Variants in ADGRL2 observed in about 807,000 individuals in gnomAD.
ADGRL2 encodes the protein calcium-independent alpha-latrotoxin receptor 2.
A neutral mutation model predicts 157.4 loss-of-function variants in ADGRL2; 44 were observed. The ratio of observed to expected loss-of-function variants is 0.28; its 90% CI spans 0.22 to 0.36. The LOEUF (loss-of-function observed/expected upper bound fraction) is 0.36, where lower values mean the gene tolerates loss of function less well. Ranked by LOEUF, ADGRL2 falls within the 10% of genes least tolerant of loss-of-function variation. The pLI, the probability that ADGRL2 is intolerant of heterozygous loss-of-function variation, is 1.00. For missense variants in ADGRL2, 1,510 were observed against 1,768.9 expected (o/e 0.85, Z 2.63); for synonymous variants, 585 against 624.7 (o/e 0.94, Z 0.95).
chr1:81,488,685 T>G (rs1013797303), intron 2 of ADGRL2, among the ~76,000 whole-genome samples: 2 of 151,740 alleles, frequency 1.3e-5, no homozygotes, highest in African/African-American at 4.8e-5. Flanking sequence ...CCAGCCTAGG[T>G]GACAGAATGA....
In ADGRL2 at chr1:81,945,625, C is replaced by T. The variant is rs147673691; in HGVS notation, c.1210+1856C>T. On this transcript the variant is annotated intron_variant, in intron 6 of 23. Transcript: ENST00000686636. The stretch of plus-strand genomic sequence containing the variant: ...TTCTAGCAAATAATTTGATCCATTT[C>T]AGATGAAAAGTCTTTGATAGTTTAG... Among the ~76,000 whole-genome samples, 877 of 152,184 alleles carry T rather than the reference C, an allele frequency of 5.8e-3. 5 individuals carry two copies. The highest frequency in any genetic ancestry group is 0.02 in the African/African-American group (831 of 41,556).
At chr1:81,412,834 T>G (rs1228161829) in intron 1 of ADGRL2, among the ~76,000 whole-genome samples, 1 of 152,176 alleles carries the variant, frequency 6.6e-6, no homozygotes, top group East Asian at 1.9e-4. Context: ...CCAATGTGTG[T>G]GCCAGTTTTA....
At chr1:81,510,890 T>C (rs1320937531) in intron 2 of ADGRL2, among the ~76,000 whole-genome samples, 2 of 152,220 alleles carry the variant, frequency 1.3e-5, no homozygotes, top group Admixed American at 6.5e-5. Flanking sequence ...TGGTTTGATA[T>C]GTGAGTATAT....
intron 4 of ADGRL2, among the ~76,000 whole-genome samples, chr1:81,939,265 C>G (rs577075115): frequency 6.6e-6 from 1 of 151,572 alleles, no homozygotes; most frequent in South Asian, 2.1e-4. Context: ...ATATCCATGT[C>G]AAAAGTGTAC....
intron 3 of ADGRL2, among the ~76,000 whole-genome samples, chr1:81,688,939 C>T (rs780749262): frequency 6.6e-5 from 10 of 152,138 alleles, no homozygotes; most frequent in Admixed American, 2.0e-4. Flanking sequence ...TGTTGTCTCT[C>T]TTCTGGGTCT....
At chr1:81,662,285 T>TCA in intron 3 of ADGRL2, among the ~76,000 whole-genome samples, 1 of 144,062 alleles carries the variant, frequency 6.9e-6, no homozygotes, top group East Asian at 2.1e-4. Context: ...AGACAGAGTC[T>TCA]CACTCTGTCA....
chr1:81,667,697 A>G (rs939556502), intron 3 of ADGRL2, among the ~76,000 whole-genome samples: 7 of 152,218 alleles, frequency 4.6e-5, no homozygotes, highest in African/African-American at 1.4e-4. Flanking sequence ...ATAAAAAATT[A>G]AAAGAAATAA....
intron 17 of ADGRL2, among the ~76,000 whole-genome samples, chr1:81,974,390 G>A (rs1037126805): frequency 3.3e-5 from 5 of 152,166 alleles, no homozygotes; most frequent in Non-Finnish European, 7.4e-5. Flanking sequence ...CATCTGCATC[G>A]TTAATAATTA....
chr1:81,763,237 C>T (rs556996341), intron 2 of ADGRL2, among the ~76,000 whole-genome samples: 3 of 151,470 alleles, frequency 2.0e-5, no homozygotes, highest in East Asian at 1.9e-4. Context: ...TAGATAAATA[C>T]GTACATATAA....
intron 14 of ADGRL2, 88 bp downstream of exon 14, chr1:81,968,287 A>G: frequency 8.9e-7 from 1 of 1,120,030 alleles, no homozygotes. Context: ...TTGGGTGCTT[A>G]CCGTAACTAA....
intron 2 of ADGRL2, among the ~76,000 whole-genome samples, chr1:81,534,724 C>T (rs1217931933): frequency 6.6e-6 from 1 of 152,174 alleles, no homozygotes; most frequent in Non-Finnish European, 1.5e-5. Flanking sequence ...GACTACCTCC[C>T]GCTGGTCCTT....
chr1:81,993,655 T>A lies in ADGRL2; in HGVS notation c.*2510T>A, dbSNP rs1038035795. Among the ~76,000 whole-genome samples, 1 of 152,186 alleles carries A rather than the reference T, an allele frequency of 6.6e-6. No homozygotes were observed. The highest frequency in any genetic ancestry group is 1.5e-5 in the Non-Finnish European group (1 of 68,030). Reference sequence around the variant, plus strand: ...TATATAAATATTGCCTTAAATTCCATCTAGGATTCCCTTAGTACAAGGTAG... The same window carrying A: ...TATATAAATATTGCCTTAAATTCCAACTAGGATTCCCTTAGTACAAGGTAG... On this transcript the variant is annotated 3_prime_UTR_variant, in exon 24 of 24. Coordinates refer to ENST00000686636, the MANE Select transcript of ADGRL2 (RefSeq NM_001366006.2).
chr1:81,470,496 C>A (rs1557713788), intron 2 of ADGRL2, among the ~76,000 whole-genome samples: 3 of 152,184 alleles, frequency 2.0e-5, no homozygotes, highest in Non-Finnish European at 4.4e-5. Context: ...TGCTAGGTCA[C>A]CACCTTGAAT....
At chr1:81,469,664 A>G (rs574902705) in intron 2 of ADGRL2, among the ~76,000 whole-genome samples, 2 of 152,228 alleles carry the variant, frequency 1.3e-5, no homozygotes, top group Non-Finnish European at 2.9e-5. Context: ...CCTTTCTTCA[A>G]TCTTCATCCA....
chr1:81,806,620 A>G (rs553310899), intron 1 of ADGRL2, among the ~76,000 whole-genome samples: 3 of 152,074 alleles, frequency 2.0e-5, no homozygotes, highest in Non-Finnish European at 4.4e-5. Context: ...TTTATTTTCT[A>G]TCAAAATATT....
At chr1:81,552,820 C>T (rs753141315) in intron 2 of ADGRL2, among the ~76,000 whole-genome samples, 9 of 152,136 alleles carry the variant, frequency 5.9e-5, no homozygotes, top group Non-Finnish European at 1.2e-4. Context: ...ATTGATTACT[C>T]TGTCGGTGAG....
Position 81,955,793 on chromosome 1 carries a change from T to C in ADGRL2, c.1834-84T>C, listed in dbSNP as rs565246298. The C allele has an allele frequency of 1.6e-3, 1,252 of 781,446 alleles. 2 individuals are homozygous for C. Among genetic ancestry groups the C allele is most frequent in the Non-Finnish European group, 2.2e-3 (1,044 of 484,622 alleles). 48.4% of individuals were successfully genotyped at this position (781,446 alleles called of 1,614,324 possible). On this transcript the variant is annotated intron_variant, in intron 10 of 23. Coordinates refer to ENST00000686636, the MANE Select transcript of ADGRL2 (RefSeq NM_001366006.2). ...AGTAAATCATCATGACAGATAAATATTACAATTGTCACTCATCAGCTACTG... is the reference window on the plus strand; with the variant it reads ...AGTAAATCATCATGACAGATAAATACTACAATTGTCACTCATCAGCTACTG...
chr1:81,431,098 C>G (rs1228769261), intron 1 of ADGRL2, among the ~76,000 whole-genome samples: 1 of 152,126 alleles, frequency 6.6e-6, no homozygotes, highest in East Asian at 1.9e-4. Context: ...TATAGTCTGA[C>G]ATCAGAATTA....
rs577328776 is a variant in ADGRL2 at position 81,453,679 on chromosome 1, G to C, written c.-248+8590G>C. The stretch of plus-strand genomic sequence containing the variant: ...AAATATACAATGGTTTAGTGGACTG[G>C]TGACTTTAGCAGGCTTGCCGATTTT... On this transcript the variant is annotated intron_variant, in intron 2 of 24. Transcript: ENST00000370721. Among the ~76,000 whole-genome samples the C allele has an allele frequency of 7.9e-5, 12 of 152,254 alleles. No individual in the cohort carries two copies. In the East Asian group the frequency reaches 2.3e-3, roughly 29 times the overall value.
Sources: gnomAD v4.1 joint callset for allele counts (sites outside exome capture counted in the v4.1 genomes callset) on GRCh38, gnomAD v4.1.1 for gene constraint, MANE v1.5 for transcripts, NCBI Gene and HGNC (gene_info 2026-07-23, HGNC 2026-07-21) for gene names.